SLC9A1: variants seen among roughly 807,000 people sequenced by gnomAD.
SLC9A1 encodes solute carrier family 9 member A1.
Under a neutral mutation model 67.9 loss-of-function variants are expected in SLC9A1, and 22 were observed. The ratio of observed to expected loss-of-function variants is 0.32; its 90% CI spans 0.23 to 0.46. The LOEUF (loss-of-function observed/expected upper bound fraction) is 0.46, where lower values mean the gene tolerates loss of function less well. SLC9A1 is among the 20% of genes least tolerant of loss of function. The probability of loss-of-function intolerance (pLI) is 1.00; values close to 1 mark genes in which losing one functional copy is unlikely to be tolerated. For synonymous variants in SLC9A1, 421 were observed against 471.8 expected (o/e 0.89, Z 1.40); for missense variants, 686 against 1,094.8 (o/e 0.63, Z 5.27).
At chr1:27,133,388 G>A (rs1309255999) in intron 1 of SLC9A1, among the ~76,000 whole-genome samples, 5 of 152,082 alleles carry the variant, frequency 3.3e-5, no homozygotes, top group Admixed American at 6.6e-5. Flanking sequence ...GATTCTTGAC[G>A]TCAACCTAGG....
intron 1 of SLC9A1, among the ~76,000 whole-genome samples, chr1:27,149,159 G>C (rs1030901687): frequency 1.3e-5 from 2 of 152,196 alleles, no homozygotes; most frequent in African/African-American, 4.8e-5. Context: ...CCAACTCCTA[G>C]AGGGAGTCCT....
At chr1:27,131,947 A>AAAAAAAAAAAAAAAT in intron 1 of SLC9A1, among the ~76,000 whole-genome samples, 2 of 52,124 alleles carry the variant, frequency 3.8e-5, no homozygotes, top group African/African-American at 6.3e-5. Flanking sequence ...AGAAAAAAAA[A>AAAAAAAAAAAAAAAT]ATATATATAT....
rs2083425540 is a variant in SLC9A1 at position 27,137,181 on chromosome 1, G to A, written c.352+16802C>T. On this transcript the variant is annotated intron_variant, in intron 1 of 11. Coordinates refer to ENST00000263980, the MANE Select transcript of SLC9A1 (RefSeq NM_003047.5). This position sits in a 1 kb window ranked among gnomAD's most constrained non-coding sequence, Gnocchi z 4.6. The stretch of plus-strand genomic sequence containing the variant: ...TGGGAACCACCAACCACGCAACTGT[G>A]TCTGCTGCATGGTAGGTGCTCAGAG... Among the ~76,000 whole-genome samples, 1 of 152,274 alleles carries A rather than the reference G, an allele frequency of 6.6e-6. No individual in the cohort carries two copies. The highest frequency in any genetic ancestry group is 2.4e-5 in the African/African-American group (1 of 41,482).
chr1:27,105,072 TG>T (rs2083174576), intron 5 of SLC9A1, among the ~76,000 whole-genome samples: 1 of 151,798 alleles, frequency 6.6e-6, no homozygotes, highest in Non-Finnish European at 1.5e-5. Context: ...CAGAGAAGAG[TG>T]GGGGTCTTTC....
intron 1 of SLC9A1, among the ~76,000 whole-genome samples, chr1:27,141,935 T>A (rs1256637842): frequency 6.6e-6 from 1 of 152,166 alleles, no homozygotes; most frequent in Non-Finnish European, 1.5e-5. Flanking sequence ...AAGTTCAACA[T>A]TGGCTTGTGA....
At chr1:27,120,405 C>T (rs899474974) in intron 1 of SLC9A1, among the ~76,000 whole-genome samples, 1 of 151,532 alleles carries the variant, frequency 6.6e-6, no homozygotes, top group Admixed American at 6.6e-5. Flanking sequence ...AGATTACAGG[C>T]GTGAGCCACC....
Position 27,109,190 on chromosome 1 carries a change from C to T in SLC9A1, c.1064+337G>A, listed in dbSNP as rs2083209988. Among the ~76,000 whole-genome samples the T allele has an allele frequency of 6.6e-6, 1 of 152,126 alleles. No individual in the cohort carries two copies. The highest frequency in any genetic ancestry group is 6.5e-5 in the Admixed American group (1 of 15,276). ...GTAGCAGGGCTGTGGCTTTCCTCAA[C>T]CTGAAGCTTAGTGGCTTCCAAGGCT... is the stretch of plus-strand genomic sequence containing the variant. On this transcript the variant is annotated intron_variant, in intron 3 of 11. Transcript: ENST00000263980. The surrounding 1 kb of genome is among the most constrained non-coding windows in gnomAD (Gnocchi z 5.5).
At chr1:27,103,334 G>A in intron 5 of SLC9A1, 22 bp from the exon 6 acceptor site, 1 of 1,564,406 alleles carries the variant, frequency 6.4e-7, no homozygotes, top group Non-Finnish European at 8.8e-7. Flanking sequence ...GCAGGTGTCA[G>A]GCACTCCAGT....
At chr1:27,110,188 G>A (rs1163336904) in intron 2 of SLC9A1, among the ~76,000 whole-genome samples, 5 of 152,172 alleles carry the variant, frequency 3.3e-5, no homozygotes, top group Admixed American at 2.0e-4. Context: ...TCAAGTGCTC[G>A]GAGCCTTACC....
intron 1 of SLC9A1, among the ~76,000 whole-genome samples, chr1:27,120,747 AG>A (rs1223094121): frequency 6.6e-6 from 1 of 152,008 alleles, no homozygotes; most frequent in Non-Finnish European, 1.5e-5. Context: ...CAAAAAAAAA[AG>A]ATAAACTCTC....
At chr1:27,121,227 G>A (rs1323860458) in intron 1 of SLC9A1, among the ~76,000 whole-genome samples, 1 of 152,080 alleles carries the variant, frequency 6.6e-6, no homozygotes, top group Non-Finnish European at 1.5e-5. Flanking sequence ...TGGAGAGAAA[G>A]GGTCTCACCC....
intron 3 of SLC9A1, among the ~76,000 whole-genome samples, chr1:27,108,661 C>A (rs776766691): frequency 2.0e-5 from 3 of 151,902 alleles, no homozygotes; most frequent in Non-Finnish European, 4.4e-5. Flanking sequence ...AAGAGTGGGA[C>A]CCCGTCTCAA....
Position 27,128,135 on chromosome 1 carries a change from C to T in SLC9A1, c.353-13849G>A, listed in dbSNP as rs754561643. 6.6e-4 allele frequency among the ~76,000 whole-genome samples: 101 copies of T among 152,262 alleles called. 1 individual carries two copies. The highest frequency in any genetic ancestry group is 2.2e-3 in the African/African-American group (93 of 41,558). On this transcript the variant is annotated intron_variant, in intron 1 of 11. Transcript: ENST00000263980. ...GCATTCGTGCCATAGCAAGCTTGCA[C>T]GAGGCAGCAGCGGGCAGCGTAAAGA...
chr1:27,138,012 C>G (rs1200331076), intron 1 of SLC9A1, among the ~76,000 whole-genome samples: 1 of 152,236 alleles, frequency 6.6e-6, no homozygotes, highest in East Asian at 1.9e-4. Flanking sequence ...TGCTGGCAGG[C>G]AGGACACTGA....
Position 27,102,365 on chromosome 1 carries a change from C to A in SLC9A1, c.1820+20G>T, listed in dbSNP as rs775475965. On this transcript the variant is annotated intron_variant, in intron 8 of 11. Transcript: ENST00000263980. Reference sequence around the variant, plus strand: ...GCCGGTGTGTGGGAGCAGAAGCTGCCTGGTTGCCCCAGCACTCACTGCATG... The same window carrying A: ...GCCGGTGTGTGGGAGCAGAAGCTGCATGGTTGCCCCAGCACTCACTGCATG... 2.9e-5 allele frequency: 45 copies of A among 1,568,546 alleles called. No individual in the cohort carries two copies. The South Asian group carries it at 3.9e-4, about 14-fold the overall frequency.
rs1176419570 is a variant in SLC9A1, at chr1:27,100,261, G to C, written c.*46C>G. The C allele has an allele frequency of 2.1e-6, 3 of 1,410,192 alleles. No individual in the cohort carries two copies. In the African/African-American group the frequency reaches 4.3e-5, roughly 20 times the overall value. 87.4% of individuals were successfully genotyped at this position (1,410,192 alleles called of 1,614,324 possible). Reference sequence around the variant, plus strand: ...GGAGCCCCCAGCAGCCCCTGCTCTGGTGGAAGAGTCTGTGAGGGGACAGGC... The same window carrying C: ...GGAGCCCCCAGCAGCCCCTGCTCTGCTGGAAGAGTCTGTGAGGGGACAGGC... On this transcript the variant is annotated 3_prime_UTR_variant, in exon 12 of 12. Transcript: ENST00000263980. This position sits in a 1 kb window ranked among gnomAD's most constrained non-coding sequence, Gnocchi z 5.6.
chr1:27,102,901 G>T, intron 6 of SLC9A1, 158 bp from the exon 7 acceptor site: 3 of 677,460 alleles, frequency 4.4e-6, no homozygotes, highest in Non-Finnish European at 5.2e-6. Flanking sequence ...TCCACTCATC[G>T]AACCCAGCGG....
chr1:27,102,731 G>T lies in SLC9A1; in HGVS notation c.1588C>A (p.Leu530Ile). The change falls in exon 7 of 12, where the codon CTT (leucine) becomes ATT (isoleucine). Residue 530 changes from leucine to isoleucine, a missense_variant. Physicochemically the swap from Leu to Ile is conservative, Grantham distance 5. Transcript: ENST00000263980. The stretch of plus-strand genomic sequence containing the variant: ...CAGATGTCTTCGATGCCTGTCAGAA[G>T]GTGGTCCAGGAACTGAAAGGGGCCC... ...EEIHTQFLDH[L>I]LTGIEDICGH... is the part of the protein sequence containing the mutation. 6.2e-7 allele frequency: 1 copy of T among 1,613,710 alleles called. No homozygotes were observed. Among genetic ancestry groups the T allele is most frequent in the Non-Finnish European group, 8.5e-7 (1 of 1,179,918 alleles).
Position 27,154,125 on chromosome 1 carries a change from C to G in SLC9A1, c.210G>C (p.Glu70Asp). 3.7e-6 allele frequency: 6 copies of G among 1,614,138 alleles called. No homozygotes were observed. The highest frequency in any genetic ancestry group is 4.2e-6 in the Non-Finnish European group (5 of 1,179,996). The change falls in exon 1 of 12, where the codon GAG becomes GAC. Residue 70 changes from glutamate to aspartate, a missense_variant. Glu to Asp is a conservative substitution (Grantham distance 45, BLOSUM62 2). Transcript: ENST00000263980. ...VTTAPPEVTP[E>D]SRPVNHSVTD... ...TGACGGAATGATTAACAGGGCGGCTCTCTGGGGTGACCTCCGGTGGAGCGG... is the reference window on the plus strand; with the variant it reads ...TGACGGAATGATTAACAGGGCGGCTGTCTGGGGTGACCTCCGGTGGAGCGG...
Sources: allele counts gnomAD v4.1 joint callset (sites outside exome capture counted in the v4.1 genomes callset), GRCh38; gene constraint gnomAD v4.1.1; non-coding constraint Gnocchi (gnomAD v3.1); transcripts MANE v1.5; gene names NCBI Gene and HGNC (gene_info 2026-07-23, HGNC 2026-07-21).